SS18L2: variants seen among roughly 807,000 people sequenced by gnomAD.
SS18L2 encodes the protein SS18 like 2.
SS18L2 carries 8 observed loss-of-function variants against 10.3 expected under a neutral mutation model. That is an observed-to-expected ratio of 0.78 (90% CI 0.46 to 1.41). SS18L2 has a LOEUF of 1.41. SS18L2 is among the 40% of genes most tolerant of loss of function. SS18L2 has a pLI of 0.00. For missense variants in SS18L2, 100 were observed against 96.2 expected, an observed-to-expected ratio of 1.04 and a Z score of -0.17; for synonymous variants, 41 against 34.6, an observed-to-expected ratio of 1.19 and a Z score of -0.65.
Position 42,596,525 on chromosome 3 carries a change from T to C in SS18L2, c.*2016T>C, listed in dbSNP as rs1008700976. ...CATGGACAAATTAAGCCTGAGTTTG[T>C]AAACTCTTTGGATACCAACTTTCTA... is the stretch of plus-strand genomic sequence containing the variant. On this transcript the variant is annotated 3_prime_UTR_variant, in exon 3 of 3. Coordinates refer to ENST00000011691, the MANE Select transcript of SS18L2 (RefSeq NM_001370300.1). Among the ~76,000 whole-genome samples the C allele has an allele frequency of 4.6e-5, 7 of 152,202 alleles. No homozygotes were observed. The highest frequency in any genetic ancestry group is 9.6e-5 in the African/African-American group (4 of 41,456).
rs1384457436 is a variant in SS18L2 at position 42,591,128 on chromosome 3, G to T, written c.69+162G>T. 6 of 735,526 alleles carry T rather than the reference G, an allele frequency of 8.2e-6. No individual in the cohort carries two copies. The African/African-American group carries it at 8.6e-5, about 11-fold the overall frequency. 45.6% of individuals were successfully genotyped at this position (735,526 alleles called of 1,614,324 possible). Reference sequence around the variant, plus strand: ...AGATGGGCACGAAATCAGCACAGGCGCCGGGGCAGGACCCCGGCATGGGGT... The same window carrying T: ...AGATGGGCACGAAATCAGCACAGGCTCCGGGGCAGGACCCCGGCATGGGGT... On this transcript the variant is annotated intron_variant, in intron 1 of 2. Coordinates refer to ENST00000011691, the MANE Select transcript of SS18L2 (RefSeq NM_001370300.1).
In SS18L2 at chr3:42,594,688, A is replaced by T; in HGVS notation, c.*179A>T. The T allele has an allele frequency of 2.0e-6, 1 of 495,128 alleles. No individual in the cohort carries two copies. The highest frequency in any genetic ancestry group is 2.0e-5 in the African/African-American group (1 of 51,260). The allele number at this position is 495,128 out of a possible 1,614,324, so 30.7% of individuals were successfully genotyped here. A position where few individuals can be genotyped will look rare whatever the true frequency, so the allele number is the denominator to read the frequency against. On this transcript the variant is annotated 3_prime_UTR_variant, in exon 3 of 3. Coordinates refer to ENST00000011691, the MANE Select transcript of SS18L2 (RefSeq NM_001370300.1). ...TGAAGAAAGCTACTAACTTAGCTGT[A>T]TTCTCATGTAAATATTTTTTAAATA...
chr3:42,594,298 A>G, intron 2 of SS18L2, 124 bp from the exon 3 acceptor site: 1 of 690,660 alleles, frequency 1.4e-6, no homozygotes, highest in Non-Finnish European at 2.6e-6. Context: ...AAGAAGGTTG[A>G]TAACACTGAA....
chr3:42,586,475 G>A (rs571433141), upstream of SS18L2, among the ~76,000 whole-genome samples: 199 of 151,712 alleles, frequency 1.3e-3, no homozygotes, highest in Non-Finnish European at 2.5e-3. Flanking sequence ...TGCCTACCTC[G>A]GCCTCCCAAA....
upstream of SS18L2, among the ~76,000 whole-genome samples, chr3:42,588,698 TG>T (rs927517290): frequency 6.6e-6 from 1 of 151,742 alleles, no homozygotes; most frequent in Non-Finnish European, 1.5e-5. Flanking sequence ...CTTTCACAGG[TG>T]GGAGGATTGT....
chr3:42,592,983 A>G (rs1007626873), intron 2 of SS18L2, among the ~76,000 whole-genome samples: 3 of 152,232 alleles, frequency 2.0e-5, no homozygotes, highest in Non-Finnish European at 4.4e-5. Context: ...TCTGCATTGC[A>G]TTTCAAAAAT....
rs1295385928 is a variant in SS18L2, at chr3:42,596,542, AACTTTCTACC to A, written c.*2037_*2046del. The stretch of plus-strand genomic sequence containing the variant: ...TGAGTTTGTAAACTCTTTGGATACC[AACTTTCTACC>A]ACTCTTGGAAGAGATGGAGGAGGTG... On this transcript the variant is annotated 3_prime_UTR_variant, in exon 3 of 3. Coordinates refer to ENST00000011691, the MANE Select transcript of SS18L2 (RefSeq NM_001370300.1). 6.6e-6 allele frequency among the ~76,000 whole-genome samples: 1 copy of A among 152,198 alleles called. No homozygotes were observed. The highest frequency in any genetic ancestry group is 1.5e-5 in the Non-Finnish European group (1 of 68,028).
upstream of SS18L2, among the ~76,000 whole-genome samples, chr3:42,587,075 A>G (rs1014311452): frequency 1.3e-5 from 2 of 151,928 alleles, no homozygotes; most frequent in African/African-American, 4.8e-5. Flanking sequence ...TTCTTTTCTC[A>G]TTGCTCCCAC....
intron 2 of SS18L2, among the ~76,000 whole-genome samples, chr3:42,592,199 T>C (rs1177818945): frequency 6.6e-6 from 1 of 152,062 alleles, no homozygotes; most frequent in Non-Finnish European, 1.5e-5. Context: ...CATTTTTTTC[T>C]TTTCTTTTTT....
At chr3:42,586,227 C>T (rs923880778), upstream of SS18L2, among the ~76,000 whole-genome samples, 2 of 152,102 alleles carry the variant, frequency 1.3e-5, no homozygotes, top group East Asian at 3.9e-4. Context: ...CTTCCTTGTT[C>T]TTTTGTTGTT....
rs1475363835 is a variant in SS18L2 at position 42,596,494 on chromosome 3, A to T, written c.*1985A>T. ...GTACTACCAGTGGTTCTTCTTCATG[A>T]TAAATCATGGACAAATTAAGCCTGA... On this transcript the variant is annotated 3_prime_UTR_variant, in exon 3 of 3. Transcript: ENST00000011691. Among the ~76,000 whole-genome samples the T allele has an allele frequency of 6.6e-6, 1 of 152,200 alleles. No homozygotes were observed. Among genetic ancestry groups the T allele is most frequent in the Non-Finnish European group, 1.5e-5 (1 of 68,036 alleles).
chr3:42,584,956 G>A (rs112440650), intron 1 of SS18L2, among the ~76,000 whole-genome samples: 1,813 of 152,160 alleles, frequency 0.012, 19 homozygotes, highest in South Asian at 0.023. Flanking sequence ...GCAAAACCCC[G>A]TCTCTATTGA....
At chr3:42,590,456 C>T (rs1704780459), upstream of SS18L2, among the ~76,000 whole-genome samples, 1 of 152,166 alleles carries the variant, frequency 6.6e-6, no homozygotes, top group South Asian at 2.1e-4. Flanking sequence ...TGGTGAAACC[C>T]CGTCTCTACT....
chr3:42,587,796 G>T (rs929564558), upstream of SS18L2, among the ~76,000 whole-genome samples: 7 of 151,968 alleles, frequency 4.6e-5, no homozygotes, highest in African/African-American at 1.7e-4. Flanking sequence ...TTTAGGCCAG[G>T]CTCTGTGGCT....
intron 1 of SS18L2, chr3:42,591,282 A>T: frequency 1.8e-6 from 1 of 566,738 alleles, no homozygotes; most frequent in Non-Finnish European, 3.1e-6. Context: ...CACTGAAACC[A>T]CCGCTTCCTG....
At chr3:42,594,359 C>T (rs905043105) in intron 2 of SS18L2, 63 bp from the exon 3 acceptor site, 1 of 1,308,752 alleles carries the variant, frequency 7.6e-7, no homozygotes, top group Non-Finnish European at 1.1e-6. Context: ...AATTATTTTC[C>T]AGTTTTTTGT....
upstream of SS18L2, among the ~76,000 whole-genome samples, chr3:42,586,452 A>T (rs561024488): frequency 2.2e-4 from 34 of 152,174 alleles, no homozygotes; most frequent in South Asian, 5.4e-3. Context: ...CAAACTCCTG[A>T]CCTCAAGTGA....
upstream of SS18L2, among the ~76,000 whole-genome samples, chr3:42,586,429 G>C (rs544079788): frequency 6.6e-6 from 1 of 152,128 alleles, no homozygotes; most frequent in Admixed American, 6.5e-5. Flanking sequence ...CAACATGTTA[G>C]CCAGGCTGGT....
chr3:42,591,503 CT>C (rs754142063), intron 1 of SS18L2, 21 bp from the exon 2 acceptor site: 1 of 1,603,034 alleles, frequency 6.2e-7, no homozygotes, highest in Non-Finnish European at 8.5e-7. Flanking sequence ...TGCACTGACC[CT>C]TTCTTTCTCT....
Sources: allele counts gnomAD v4.1 joint callset (sites outside exome capture counted in the v4.1 genomes callset), GRCh38; gene constraint gnomAD v4.1.1; transcripts MANE v1.5; gene names NCBI Gene and HGNC (gene_info 2026-07-23, HGNC 2026-07-21).